The following TSC2 variants were observed in gnomAD, a reference collection of about 807,000 sequenced individuals.
TSC2 encodes the protein tuberin.
In TSC2, 29 loss-of-function variants were observed where a neutral mutation model predicts 202.2. That is an observed-to-expected ratio of 0.14 (90% CI 0.11 to 0.20). The LOEUF (loss-of-function observed/expected upper bound fraction) is 0.20, where lower values mean the gene tolerates loss of function less well. TSC2 is among the 10% of genes least tolerant of loss of function. The pLI is 1.00. For missense variants in TSC2, 2,429 were observed against 2,420.0 expected, an observed-to-expected ratio of 1.00 and a Z score of -0.08; for synonymous variants, 1,349 against 1,044.0, an observed-to-expected ratio of 1.29 and a Z score of -5.63.
At chr16:2,065,453 A>AGT (rs1185056143) in intron 15 of TSC2, 66 bp from the exon 16 acceptor site, 5 of 1,140,568 alleles carry the variant, frequency 4.4e-6, no homozygotes, top group Non-Finnish European at 6.6e-6. Flanking sequence ...TGTGGTAGAA[A>AGT]GTGTTCTCAC....
At chr16:2,078,309 G>C (rs763839171) in intron 26 of TSC2, 1 of 163,804 alleles carries the variant, frequency 6.1e-6, no homozygotes. Flanking sequence ...GTGGGTCATC[G>C]CTGCTGGCAC....
chr16:2,055,255 T>C, intron 5 of TSC2, 147 bp from the exon 6 acceptor site: 1 of 746,948 alleles, frequency 1.3e-6, no homozygotes, highest in Non-Finnish European at 2.4e-6. Flanking sequence ...TCGGGCCCAG[T>C]GCGTGGTCTG....
Position 2,077,796 on chromosome 16 carries a change from A to T in TSC2, c.2966+70A>T. The T allele has an allele frequency of 2.5e-6, 4 of 1,600,714 alleles. No individual in the cohort carries two copies. In the South Asian group the frequency reaches 4.4e-5, roughly 18 times the overall value. On this transcript the variant is annotated intron_variant, in intron 26 of 41. Coordinates refer to ENST00000219476, the MANE Select transcript of TSC2 (RefSeq NM_000548.5). ...CCCGTGAGCACCTGGGTGGCAGTGC[A>T]TGGGGCTGCTTGCATGACCTCATCG...
chr16:2,081,896 C>T (rs1037058700), intron 31 of TSC2, 98 bp downstream of exon 31: 44 of 1,490,302 alleles, frequency 3.0e-5, no homozygotes, highest in African/African-American at 1.9e-4. Context: ...GGCGCCCACA[C>T]GGCTGGGAGT....
chr16:2,055,362 G>A (rs748724027), intron 5 of TSC2, 40 bp from the exon 6 acceptor site: 1 of 1,538,402 alleles, frequency 6.5e-7, no homozygotes, highest in Non-Finnish European at 9.0e-7. Context: ...GGGAGATGTA[G>A]ATTCGGCGTC....
intron 7 of TSC2, 40 bp from the exon 8 acceptor site, chr16:2,056,604 C>T (rs1400599011): frequency 6.2e-7 from 1 of 1,602,616 alleles, no homozygotes; most frequent in Non-Finnish European, 8.5e-7. Context: ...TGGGGAGGAG[C>T]TGGGGTAGGA....
rs2091285868 is a variant in TSC2 at position 2,088,925 on chromosome 16, A to G, written c.*315A>G. The stretch of plus-strand genomic sequence containing the variant: ...GTCACCTTCCTCCACCCTGGGAGCC[A>G]GCCCCCAGGAGGAGTCTTTTCCTCT... On this transcript the variant is annotated 3_prime_UTR_variant, in exon 42 of 42. Coordinates refer to ENST00000219476, the MANE Select transcript of TSC2 (RefSeq NM_000548.5). 1 of 386,736 alleles carries G rather than the reference A, an allele frequency of 2.6e-6. No homozygotes were observed. The allele number at this position is 386,736 out of a possible 1,614,324, so 24.0% of individuals were successfully genotyped here.
chr16:2,086,501 G>C lies in TSC2; in HGVS notation c.4849+122G>C, dbSNP rs368105122. The C allele has an allele frequency of 4.8e-6, 7 of 1,457,830 alleles. No individual in the cohort carries two copies. The African/African-American group carries it at 5.6e-5, about 12-fold the overall frequency. The allele number at this position is 1,457,830 out of a possible 1,614,324, so 90.3% of individuals were successfully genotyped here. On this transcript the variant is annotated intron_variant, in intron 37 of 41. Transcript: ENST00000219476. The stretch of plus-strand genomic sequence containing the variant: ...ACCCCCACCTGCTCCAGCTCCCCAC[G>C]CCTCAGGTTCCGAGCCTAACAGCGT...
chr16:2,074,054 C>G lies in TSC2; in HGVS notation c.2356-146C>G, dbSNP rs2088889337. On this transcript the variant is annotated intron_variant, in intron 21 of 41. Coordinates refer to ENST00000219476, the MANE Select transcript of TSC2 (RefSeq NM_000548.5). ...CTGTGCAGAGTCTGCTCGGGTAGCT[C>G]AGCACTGCTGGCTCTGCCCCACAGG... 2.9e-5 allele frequency: 30 copies of G among 1,021,828 alleles called. No homozygotes were observed. In the South Asian group the frequency reaches 3.9e-4, roughly 13 times the overall value. The allele number at this position is 1,021,828 out of a possible 1,614,324, so 63.3% of individuals were successfully genotyped here.
chr16:2,072,671 C>T lies in TSC2; in HGVS notation c.2221-178C>T, dbSNP rs942636508. 4.8e-6 allele frequency: 5 copies of T among 1,035,714 alleles called. No homozygotes were observed. The African/African-American group carries it at 8.0e-5, about 17-fold the overall frequency. The allele number at this position is 1,035,714 out of a possible 1,614,324, so 64.2% of individuals were successfully genotyped here. ...TTCACCTCACATTCCTGGTGTGTTA[C>T]TTGGCAGGCACTCCCACCACTCCGA... On this transcript the variant is annotated intron_variant, in intron 20 of 41. Coordinates refer to ENST00000219476, the MANE Select transcript of TSC2 (RefSeq NM_000548.5).
At chr16:2,056,541 G>C (rs2151074789) in intron 7 of TSC2, 103 bp from the exon 8 acceptor site, 2 of 1,512,662 alleles carry the variant, frequency 1.3e-6, no homozygotes, top group Non-Finnish European at 1.8e-6. Flanking sequence ...AGCGGGGAGA[G>C]GTGGCAGCGC....
Position 2,086,798 on chromosome 16 carries a change from G to A in TSC2, c.4916G>A (p.Arg1639His), listed in dbSNP as rs137854153. ...DVDKHRCDKK[R>H]HLGNDFVSIV... The stretch of plus-strand genomic sequence containing the variant: ...GACAAGCACCGCTGCGACAAGAAGC[G>A]CCACCTGGGCAACGACTTTGTGTCC... The change falls in exon 38 of 42, where the codon CGC (arginine) becomes CAC (histidine). Residue 1639 changes from arginine to histidine, a missense_variant. Physicochemically the swap from Arg to His is conservative, Grantham distance 29. Transcript: ENST00000219476. 5 of 1,611,300 alleles carry A rather than the reference G, an allele frequency of 3.1e-6. No individual in the cohort carries two copies. Among genetic ancestry groups the A allele is most frequent in the East Asian group, 2.2e-5 (1 of 44,842 alleles).
chr16:2,076,844 C>T (rs1180098773), intron 25 of TSC2, among the ~76,000 whole-genome samples: 3 of 152,144 alleles, frequency 2.0e-5, no homozygotes, highest in Non-Finnish European at 4.4e-5. Context: ...AAGCTTTAGG[C>T]GCCTGAGCCC....
intron 15 of TSC2, chr16:2,064,706 G>T (rs754184877): frequency 3.3e-5 from 18 of 541,236 alleles, no homozygotes; most frequent in Non-Finnish European, 5.3e-5. Flanking sequence ...CCTGGGGCTG[G>T]GGCTTTGGCC....
At chr16:2,058,320 C>T (rs1395310369) in intron 9 of TSC2, among the ~76,000 whole-genome samples, 1 of 152,242 alleles carries the variant, frequency 6.6e-6, no homozygotes, top group Non-Finnish European at 1.5e-5. Flanking sequence ...TGCCGAGTTA[C>T]TCTGTTTACT....
In TSC2 at chr16:2,075,864, A is replaced by G; in HGVS notation, c.2611A>G (p.Ile871Val). 1 of 1,613,130 alleles carries G rather than the reference A, an allele frequency of 6.2e-7. No individual in the cohort carries two copies. Among genetic ancestry groups the G allele is most frequent in the Middle Eastern group, 1.6e-4 (1 of 6,062 alleles). The change falls in exon 23 of 42, where the codon ATC becomes GTC. Residue 871 changes from isoleucine (I) to valine (V), a missense_variant. Coordinates refer to ENST00000219476, the MANE Select transcript of TSC2 (RefSeq NM_000548.5). ...AAEQYASVFA[I>V]SLPYTNPSKF... ...GGAGCAGTATGCCAGTGTGTTCGCC[A>G]TCTCCCTGCCGTACACCAACCCCTC...
At chr16:2,073,827 T>G (rs2088856514) in intron 21 of TSC2, among the ~76,000 whole-genome samples, 1 of 152,284 alleles carries the variant, frequency 6.6e-6, no homozygotes, top group Admixed American at 6.5e-5. Flanking sequence ...CTGCCTGAGC[T>G]CCGCTCATCT....
intron 30 of TSC2, 32 bp from the exon 31 acceptor site, chr16:2,081,563 G>T: frequency 6.2e-7 from 1 of 1,612,722 alleles, no homozygotes; most frequent in Non-Finnish European, 8.5e-7. Context: ...GGAGGTACTG[G>T]CCTCAGGCCA....
At chr16:2,075,734 G>T in intron 22 of TSC2, 65 bp from the exon 23 acceptor site, 1 of 1,549,288 alleles carries the variant, frequency 6.5e-7, no homozygotes, top group Non-Finnish European at 8.8e-7. Flanking sequence ...CAGAGCAGCC[G>T]TGTTGGCCTT....
Sources: allele counts gnomAD v4.1 joint callset (sites outside exome capture counted in the v4.1 genomes callset), GRCh38; gene constraint gnomAD v4.1.1; transcripts MANE v1.5; gene names NCBI Gene and HGNC (gene_info 2026-07-23, HGNC 2026-07-21).